Variants in NLE1 observed in about 807,000 individuals in gnomAD.
NLE1 encodes notchless protein homolog 1.
A neutral mutation model predicts 62.8 loss-of-function variants in NLE1; 37 were observed. That is an observed-to-expected ratio of 0.59 (90% confidence interval 0.45 to 0.78). The LOEUF is 0.78. Among genes scored for constraint, NLE1 ranks in the 30% least tolerant of loss-of-function variants. The probability of loss-of-function intolerance (pLI) is 0.00; values close to 1 mark genes in which losing one functional copy is unlikely to be tolerated. For missense variants in NLE1, 555 were observed against 637.9 expected (o/e 0.87, Z 1.40); for synonymous variants, 243 against 253.0 (o/e 0.96, Z 0.37).
Position 35,139,893 on chromosome 17 carries a change from A to T in NLE1, c.336T>A (p.Gly112=). The change falls in exon 3 of 13, where the codon GGT becomes GGA. Residue 112 remains glycine, a synonymous_variant. Transcript: ENST00000442241. Reference sequence around the variant, plus strand: ...CCACAGAAATGACTGCCTCACTGTGACCCTCCAAGGAGCTGGTGCAGCGAG... The same window carrying T: ...CCACAGAAATGACTGCCTCACTGTGTCCCTCCAAGGAGCTGGTGCAGCGAG... The part of the protein sequence containing the change: ...AVTRCTSSLE[G]HSEAVISVAF... 6.2e-7 allele frequency: 1 copy of T among 1,613,858 alleles called. No homozygotes were observed. Among genetic ancestry groups the T allele is most frequent in the South Asian group, 1.1e-5 (1 of 91,066 alleles).
intron 3 of NLE1, 30 bp downstream of exon 3, chr17:35,139,819 C>A (rs1474498644): frequency 2.5e-6 from 4 of 1,603,118 alleles, no homozygotes; most frequent in Non-Finnish European, 3.4e-6. Flanking sequence ...CCCCCACATA[C>A]CCCCTCCATG....
In NLE1 at chr17:35,135,238, C is replaced by T. The variant is rs144045762; in HGVS notation, c.1214+11G>A. ...ACTCCTTACAGAGAAGCAGTACCCA[C>T]CCCTACTCACTTGCCCGTCCTGCCA... On this transcript the variant is annotated intron_variant, in intron 10 of 12. Transcript: ENST00000442241. 6.4e-4 allele frequency: 1,026 copies of T among 1,613,760 alleles called. No individual in the cohort carries two copies. The highest frequency in any genetic ancestry group is 7.8e-4 in the Non-Finnish European group (915 of 1,179,664).
At position 35,142,015 on chromosome 17, in the gene NLE1, G is replaced by C; in HGVS notation, c.126C>G (p.Asp42Glu). Reference protein sequence around the residue: ...PFDVPVDITPDRLQLVCNALL... With the variant: ...PFDVPVDITPERLQLVCNALL... Reference sequence around the variant, plus strand: ...GCGCGTTGCACACGAGCTGCAGCCTGTCCGGGGTGATGTCCACGGGCACGT... The same window carrying C: ...GCGCGTTGCACACGAGCTGCAGCCTCTCCGGGGTGATGTCCACGGGCACGT... The change falls in exon 2 of 13, where the codon GAC becomes GAG. Residue 42 changes from aspartate to glutamate, a missense_variant. Asp to Glu is a conservative substitution (Grantham distance 45). Coordinates refer to ENST00000442241, the MANE Select transcript of NLE1 (RefSeq NM_018096.5). The C allele has an allele frequency of 6.2e-7, 1 of 1,605,300 alleles. No homozygotes were observed. Among genetic ancestry groups the C allele is most frequent in the Non-Finnish European group, 8.5e-7 (1 of 1,176,840 alleles).
chr17:35,135,878 G>A (rs1297533275), intron 9 of NLE1, among the ~76,000 whole-genome samples: 1 of 152,142 alleles, frequency 6.6e-6, no homozygotes. Flanking sequence ...TCTACCTTTT[G>A]TATTTTTTGA....
At position 35,139,851 on chromosome 17, in the gene NLE1, T is replaced by C. The variant is rs1001423057; in HGVS notation, c.378A>G (p.Gly126=). The C allele has an allele frequency of 1.2e-6, 2 of 1,612,086 alleles. No homozygotes were observed. The highest frequency in any genetic ancestry group is 1.7e-6 in the Non-Finnish European group (2 of 1,179,980). ...AVISVAFSPT[G]KYLASGSGDT... ...CATGAGTCTGCAGCTGTCCTTACTT[T>C]CCCGTAGGGCTGAAGGCCACAGAAA... is the stretch of plus-strand genomic sequence containing the variant. Residue 126 remains glycine, a splice_region_variant and synonymous_variant, in exon 3 of 13, where the codon GGA becomes GGG. Transcript: ENST00000442241.
chr17:35,141,916 A>T, intron 2 of NLE1, 63 bp downstream of exon 2: 3 of 1,506,522 alleles, frequency 2.0e-6, no homozygotes, highest in Non-Finnish European at 2.7e-6. Context: ...CCTCGGTAAT[A>T]TGATTCCCCC....
chr17:35,137,177 A>G lies in NLE1; in HGVS notation c.652T>C (p.Tyr218His), dbSNP rs771135738. 24 of 1,608,726 alleles carry G rather than the reference A, an allele frequency of 1.5e-5. No homozygotes were observed. In the African/African-American group the frequency reaches 1.6e-4, roughly 11 times the overall value. Residue 218 changes from tyrosine (Y) to histidine (H), a missense_variant, in exon 7 of 13, where the codon TAT becomes CAT. By Grantham distance (83) the Tyr-to-His change is moderately conservative. Transcript: ENST00000442241. ...CCATCCTTGGAGCTGCTGGCCACATAGCGGCACTCAGGGTTCCTGGAGAGA... is the reference window on the plus strand; with the variant it reads ...CCATCCTTGGAGCTGCTGGCCACATGGCGGCACTCAGGGTTCCTGGAGAGA... ...EPLHANPECR[Y>H]VASSSKDGSV...
At position 35,139,871 on chromosome 17, in the gene NLE1, C is replaced by T. The variant is rs1315728866; in HGVS notation, c.358G>A (p.Val120Met). ...LEGHSEAVIS[V>M]AFSPTGKYLA... is the part of the protein sequence containing the mutation. Reference sequence around the variant, plus strand: ...TACTTTCCCGTAGGGCTGAAGGCCACAGAAATGACTGCCTCACTGTGACCC... The same window carrying T: ...TACTTTCCCGTAGGGCTGAAGGCCATAGAAATGACTGCCTCACTGTGACCC... Residue 120 changes from valine to methionine, a missense_variant, in exon 3 of 13, where the codon GTG (valine) becomes ATG (methionine). By Grantham distance (21) the Val-to-Met change is conservative. Transcript: ENST00000442241. 2 of 1,613,400 alleles carry T rather than the reference C, an allele frequency of 1.2e-6. No homozygotes were observed. The highest frequency in any genetic ancestry group is 2.2e-5 in the East Asian group (1 of 44,902).
rs1174344162 is a variant in NLE1, at chr17:35,135,332, C to T, written c.1131G>A (p.Gln377=). 1 of 1,614,178 alleles carries T rather than the reference C, an allele frequency of 6.2e-7. No individual in the cohort carries two copies. The highest frequency in any genetic ancestry group is 1.7e-5 in the Admixed American group (1 of 60,010). ...TGCGGGAGTCAGGAGAGAAGAGCAC[C>T]TGGTTGATGAGAGCTTGGTGTCCTG... is the stretch of plus-strand genomic sequence containing the variant. ...RMTGHQALIN[Q]VLFSPDSRIV... is the part of the protein sequence containing the mutation. The change falls in exon 10 of 13, where the codon CAG becomes CAA. Residue 377 remains glutamine (Q), a synonymous_variant. Transcript: ENST00000442241.
rs2091868007 is a variant in NLE1 at position 35,130,199 on chromosome 17, A to G, written c.*2238T>C. On this transcript the variant is annotated 3_prime_UTR_variant, in exon 13 of 13. Transcript: ENST00000442241. ...TTTAAGGTCTGAGTCAGCAGACAGA[A>G]AAAAAAGGGGTGATAGAGACAGAGA... is the stretch of plus-strand genomic sequence containing the variant. The G allele has an allele frequency of 9.1e-6, 14 of 1,539,016 alleles. No individual in the cohort carries two copies. In the East Asian group the frequency reaches 3.2e-4, roughly 35 times the overall value.
chr17:35,138,489 G>T (rs2091923168), intron 4 of NLE1, among the ~76,000 whole-genome samples: 1 of 151,940 alleles, frequency 6.6e-6, no homozygotes, highest in Admixed American at 6.6e-5. Context: ...CATCACCCAG[G>T]CTGGAGTGCA....
intron 6 of NLE1, 121 bp from the exon 7 acceptor site, chr17:35,137,314 A>C: frequency 1.0e-6 from 1 of 975,568 alleles, no homozygotes; most frequent in Non-Finnish European, 1.5e-6. Flanking sequence ...TGACACCAAG[A>C]CCCGGCTGCA....
Position 35,129,988 on chromosome 17 carries a change from G to A in NLE1, c.*2449C>T. On this transcript the variant is annotated 3_prime_UTR_variant, in exon 13 of 13. Coordinates refer to ENST00000442241, the MANE Select transcript of NLE1 (RefSeq NM_018096.5). The stretch of plus-strand genomic sequence containing the variant: ...AGTCAAGGGCATTGAAAGAAATAGG[G>A]AAGACAAGAGGCTAAAGGGGGACGA... 1.5e-6 allele frequency: 2 copies of A among 1,376,518 alleles called. No individual in the cohort carries two copies. The highest frequency in any genetic ancestry group is 1.9e-6 in the Non-Finnish European group (2 of 1,066,202). 85.3% of individuals were successfully genotyped at this position (1,376,518 alleles called of 1,614,324 possible).
Sources: allele counts gnomAD v4.1 joint callset (sites outside exome capture counted in the v4.1 genomes callset), GRCh38; gene constraint gnomAD v4.1.1; transcripts MANE v1.5; gene names NCBI Gene and HGNC (gene_info 2026-07-23, HGNC 2026-07-21).